The following VPS13B variants were observed in gnomAD, a reference collection of about 807,000 sequenced individuals.
The protein encoded by VPS13B is vacuolar protein sorting 13 homolog B.
VPS13B carries 285 observed loss-of-function variants against 426.4 expected under a neutral mutation model. The observed-to-expected ratio is 0.67, with a 90% CI of 0.61 to 0.74. VPS13B has a LOEUF of 0.74. VPS13B is among the 30% of genes least tolerant of loss of function. The pLI is 0.00. For synonymous variants in VPS13B, 1,676 were observed against 1,676.4 expected, an observed-to-expected ratio of 1.00 and a Z score of 0.01; for missense variants, 4,537 against 4,782.6, an observed-to-expected ratio of 0.95 and a Z score of 1.51.
At chr8:99,292,574 G>T (rs1294926432) in intron 19 of VPS13B, among the ~76,000 whole-genome samples, 10 of 152,042 alleles carry the variant, frequency 6.6e-5, no homozygotes. Flanking sequence ...TAGCTGAAAA[G>T]ATCATGTTTA....
chr8:99,394,766 T>A (rs1216659705), intron 21 of VPS13B, among the ~76,000 whole-genome samples: 3 of 152,202 alleles, frequency 2.0e-5, no homozygotes, highest in Non-Finnish European at 2.9e-5. Context: ...TCTTACAAGT[T>A]TATATATTAC....
chr8:99,483,907 G>A (rs963001578), intron 25 of VPS13B, among the ~76,000 whole-genome samples: 1 of 151,984 alleles, frequency 6.6e-6, no homozygotes, highest in African/African-American at 2.4e-5. Flanking sequence ...ATTGTGCAGT[G>A]TACAAACAAC....
chr8:99,800,524 A>T (rs1460644169), intron 43 of VPS13B, among the ~76,000 whole-genome samples: 2 of 152,202 alleles, frequency 1.3e-5, no homozygotes, highest in Non-Finnish European at 2.9e-5. Flanking sequence ...AAAATGAAAT[A>T]TTTTAATGCA....
intron 19 of VPS13B, among the ~76,000 whole-genome samples, chr8:99,374,794 A>T (rs1813394866): frequency 6.6e-6 from 1 of 152,094 alleles, no homozygotes. Flanking sequence ...GTTTTTTGAG[A>T]GCAAGATTAG....
intron 30 of VPS13B, among the ~76,000 whole-genome samples, chr8:99,552,091 C>T (rs1167190109): frequency 6.6e-6 from 1 of 151,832 alleles, no homozygotes; most frequent in Non-Finnish European, 1.5e-5. Context: ...GGATTAAATT[C>T]TGGATTTCAT....
Position 99,461,422 on chromosome 8 carries a change from C to G in VPS13B, c.3446-5992C>G, listed in dbSNP as rs183337178. On this transcript the variant is annotated intron_variant, in intron 23 of 61. Coordinates refer to ENST00000357162, the MANE Select transcript of VPS13B (RefSeq NM_152564.5). ...TCATTCCAGCTCTTTGACATCTGAG[C>G]TTTTCTTCTTACATTCCTGACAATA... 1.5e-3 allele frequency among the ~76,000 whole-genome samples: 234 copies of G among 152,238 alleles called. 2 individuals are homozygous for G. Among genetic ancestry groups the G allele is most frequent in the Non-Finnish European group, 2.9e-3 (197 of 68,000 alleles).
In VPS13B at chr8:99,207,278, CA is replaced by C. The variant is rs1814783636; in HGVS notation, c.2515+14222del. Among the ~76,000 whole-genome samples the C allele has an allele frequency of 1.4e-4, 22 of 152,104 alleles. No individual in the cohort carries two copies. The South Asian group carries it at 4.6e-3, about 32-fold the overall frequency. ...AAATCAGATCTTGGCAATGACTTTGCACAGTAGGATATAAATAACTCCCACA... is the reference window on the plus strand; with the variant it reads ...AAATCAGATCTTGGCAATGACTTTGCCAGTAGGATATAAATAACTCCCACA... On this transcript the variant is annotated intron_variant, in intron 17 of 61. Coordinates refer to ENST00000357162, the MANE Select transcript of VPS13B (RefSeq NM_152564.5).
intron 21 of VPS13B, among the ~76,000 whole-genome samples, chr8:99,414,091 G>A (rs1815849716): frequency 6.6e-6 from 1 of 152,116 alleles, no homozygotes; most frequent in Non-Finnish European, 1.5e-5. Flanking sequence ...TAAGAACTTT[G>A]TATGAATCTG....
intron 19 of VPS13B, among the ~76,000 whole-genome samples, chr8:99,299,551 G>GT (rs372887332): frequency 6.6e-6 from 1 of 151,372 alleles, no homozygotes; most frequent in East Asian, 1.9e-4. Context: ...TTATATTTTA[G>GT]TTTTTTTATT....
At position 99,784,389 on chromosome 8, in the gene VPS13B, G is replaced by A. The variant is rs1037652827; in HGVS notation, c.7854G>A (p.Arg2618=). 6.2e-7 allele frequency: 1 copy of A among 1,613,634 alleles called. No individual in the cohort carries two copies. The highest frequency in any genetic ancestry group is 1.3e-5 in the African/African-American group (1 of 74,908). ...VICNDTQETL[R]FGQVDTDENI... Reference sequence around the variant, plus strand: ...GTAATGACACACAGGAGACACTGCGGTTTGGCCAGGTGGATACTGATGAAA... The same window carrying A: ...GTAATGACACACAGGAGACACTGCGATTTGGCCAGGTGGATACTGATGAAA... Residue 2618 remains arginine (R), a synonymous_variant, in exon 43 of 62, where the codon CGG becomes CGA. Coordinates refer to ENST00000357162, the MANE Select transcript of VPS13B (RefSeq NM_152564.5).
At chr8:99,696,655 A>G (rs1832017327) in intron 35 of VPS13B, 5 of 715,664 alleles carry the variant, frequency 7.0e-6, no homozygotes, top group Non-Finnish European at 1.3e-5. Context: ...TTCCTCCAGG[A>G]CACCATCGAG....
intron 18 of VPS13B, 84 bp downstream of exon 18, chr8:99,274,416 A>T: frequency 1.3e-6 from 2 of 1,596,524 alleles, no homozygotes; most frequent in Non-Finnish European, 1.7e-6. Flanking sequence ...TACTGAAACA[A>T]GAATTTACTC....
At chr8:99,213,135 T>C (rs928197656) in intron 17 of VPS13B, among the ~76,000 whole-genome samples, 1 of 152,172 alleles carries the variant, frequency 6.6e-6, no homozygotes, top group African/African-American at 2.4e-5. Flanking sequence ...TAATTCTAGC[T>C]GGGTAATATG....
At chr8:99,507,855 G>A in intron 28 of VPS13B, 2 of 1,614,050 alleles carry the variant, frequency 1.2e-6, no homozygotes, top group African/African-American at 2.7e-5. Context: ...CACCTTGTTG[G>A]TTCGACCCAT....
chr8:99,716,608 A>C (rs1198641431), intron 36 of VPS13B, among the ~76,000 whole-genome samples: 1 of 152,186 alleles, frequency 6.6e-6, no homozygotes, highest in Admixed American at 6.5e-5. Context: ...TTTCTCATAA[A>C]TCTAACCTGC....
intron 30 of VPS13B, among the ~76,000 whole-genome samples, chr8:99,525,810 G>A (rs1271859407): frequency 1.3e-5 from 2 of 152,188 alleles, no homozygotes; most frequent in South Asian, 2.1e-4. Context: ...GAAATGGAGA[G>A]TTAGAGATGG....
At chr8:99,695,397 A>G (rs1186915940) in intron 35 of VPS13B, among the ~76,000 whole-genome samples, 1 of 151,056 alleles carries the variant, frequency 6.6e-6, no homozygotes, top group Non-Finnish European at 1.5e-5. Flanking sequence ...TGTCCTTTGT[A>G]GGGACATGGA....
intron 21 of VPS13B, among the ~76,000 whole-genome samples, chr8:99,409,851 A>AT (rs1316228618): frequency 6.6e-6 from 1 of 152,176 alleles, no homozygotes; most frequent in East Asian, 1.9e-4. Flanking sequence ...GTTGGTCTCT[A>AT]TTTTCACTCT....
chr8:99,343,429 GGTTGA>G (rs1247137133), intron 19 of VPS13B, among the ~76,000 whole-genome samples: 4 of 152,112 alleles, frequency 2.6e-5, no homozygotes, highest in African/African-American at 9.6e-5. Flanking sequence ...CTTGTTATTG[GGTTGA>G]GTTTTTTATA....
Sources: allele counts gnomAD v4.1 joint callset (sites outside exome capture counted in the v4.1 genomes callset), GRCh38; gene constraint gnomAD v4.1.1; transcripts MANE v1.5; gene names NCBI Gene and HGNC (gene_info 2026-07-23, HGNC 2026-07-21).